TANC1: variants seen among roughly 807,000 people sequenced by gnomAD.
TANC1 encodes tetratricopeptide repeat, ankyrin repeat and coiled-coil containing 1.
Under a neutral mutation model 149.7 loss-of-function variants are expected in TANC1, and 77 were observed. That is an observed-to-expected ratio of 0.51 (90% confidence interval 0.43 to 0.62). The LOEUF is 0.62. Among genes scored for constraint, TANC1 ranks in the 20% least tolerant of loss-of-function variants. The pLI, the probability that TANC1 is intolerant of heterozygous loss-of-function variation, is 0.00. For missense variants in TANC1, 1,985 were observed against 2,321.8 expected (o/e 0.85, Z 2.98); for synonymous variants, 854 against 925.0 (o/e 0.92, Z 1.39).
Position 159,097,635 on chromosome 2 carries a change from A to G in TANC1, c.62-2A>G, listed in dbSNP as rs1397247165. The G allele has an allele frequency of 3.1e-6, 5 of 1,612,354 alleles. No homozygotes were observed. Among genetic ancestry groups the G allele is most frequent in the Admixed American group, 1.7e-5 (1 of 60,008 alleles). ...AACCTAAGTATTCTCTCTCTACTCT[A>G]GGAAGTGACTTTGGTCCAGAGACTT... On this transcript the variant is annotated splice_acceptor_variant, in intron 3 of 26. Transcript: ENST00000263635. LOFTEE classifies it high-confidence loss of function.
chr2:159,063,392 T>G (rs2042408683), intron 2 of TANC1, among the ~76,000 whole-genome samples: 1 of 152,224 alleles, frequency 6.6e-6, no homozygotes, highest in Non-Finnish European at 1.5e-5. Flanking sequence ...ATAGCCTGTA[T>G]GTCCATTGGT....
intron 4 of TANC1, among the ~76,000 whole-genome samples, chr2:159,110,158 A>G (rs1010849006): frequency 6.6e-6 from 1 of 152,260 alleles, no homozygotes; most frequent in Non-Finnish European, 1.5e-5. Context: ...TGTTGGCAAC[A>G]TGTTGCCAAG....
At position 159,132,289 on chromosome 2, in the gene TANC1, T is replaced by C. The variant is rs1245401773; in HGVS notation, c.260-3905T>C. On this transcript the variant is annotated intron_variant, in intron 4 of 26. Coordinates refer to ENST00000263635, the MANE Select transcript of TANC1 (RefSeq NM_033394.3). ...CACTGAATATATATTTTACTTACTTTGTTATATTCTAGGTCTCCTTTCGTA... is the reference window on the plus strand; with the variant it reads ...CACTGAATATATATTTTACTTACTTCGTTATATTCTAGGTCTCCTTTCGTA... Among the ~76,000 whole-genome samples, 3 of 152,190 alleles carry C rather than the reference T, an allele frequency of 2.0e-5. No individual in the cohort carries two copies. In the East Asian group the frequency reaches 5.8e-4, roughly 29 times the overall value.
At chr2:159,219,092 T>G in intron 20 of TANC1, 146 bp from the exon 21 acceptor site, 2 of 1,057,594 alleles carry the variant, frequency 1.9e-6, no homozygotes, top group Non-Finnish European at 2.8e-6. Context: ...AGTGGAAAGA[T>G]TTTCCAGGCC....
At position 159,157,331 on chromosome 2, in the gene TANC1, G is replaced by A. The variant is rs918697096; in HGVS notation, c.683-5952G>A. The stretch of plus-strand genomic sequence containing the variant: ...GTGGTTGGTTAGTTTGCAGGTGGCC[G>A]GGCCTAGGTAGGGGTGGAAATAAAA... On this transcript the variant is annotated intron_variant, in intron 7 of 26. Coordinates refer to ENST00000263635, the MANE Select transcript of TANC1 (RefSeq NM_033394.3). Among the ~76,000 whole-genome samples the A allele has an allele frequency of 2.0e-5, 3 of 152,160 alleles. No individual in the cohort carries two copies. In the East Asian group the frequency reaches 5.8e-4, roughly 29 times the overall value.
chr2:159,116,300 G>A (rs1437641300), intron 4 of TANC1, among the ~76,000 whole-genome samples: 2 of 152,064 alleles, frequency 1.3e-5, no homozygotes, highest in Non-Finnish European at 2.9e-5. Context: ...GGTGGCAGAT[G>A]CCTGTAATCC....
chr2:159,115,365 A>G (rs2048141832), intron 4 of TANC1, among the ~76,000 whole-genome samples: 1 of 152,164 alleles, frequency 6.6e-6, no homozygotes, highest in Non-Finnish European at 1.5e-5. Flanking sequence ...GGACTCCTTG[A>G]GTCAAATGCA....
chr2:159,095,414 C>T (rs1050357474), intron 3 of TANC1, among the ~76,000 whole-genome samples: 2 of 152,148 alleles, frequency 1.3e-5, no homozygotes, highest in Non-Finnish European at 2.9e-5. Context: ...CTTTTCTGTT[C>T]ACTGCTCTGC....
chr2:159,121,338 ATTG>A (rs368570710), intron 4 of TANC1, among the ~76,000 whole-genome samples: 316 of 152,200 alleles, frequency 2.1e-3, no homozygotes, highest in African/African-American at 4.0e-3. Flanking sequence ...TTTCTCCGCT[ATTG>A]TTGTTGTTTG....
intron 8 of TANC1, 60 bp from the exon 9 acceptor site, chr2:159,169,190 A>C (rs1226386212): frequency 1.2e-5 from 17 of 1,404,226 alleles, no homozygotes; most frequent in Non-Finnish European, 1.7e-5. Flanking sequence ...AGTTATAGTC[A>C]CTTAGGTATG....
At chr2:159,047,413 C>G (rs964737812) in intron 2 of TANC1, among the ~76,000 whole-genome samples, 1 of 152,058 alleles carries the variant, frequency 6.6e-6, no homozygotes, top group African/African-American at 2.4e-5. Context: ...TTAAGTCATT[C>G]CACCGTGAAA....
chr2:159,035,610 C>T (rs190223413), intron 2 of TANC1, among the ~76,000 whole-genome samples: 1 of 152,324 alleles, frequency 6.6e-6, no homozygotes, highest in Admixed American at 6.5e-5. Flanking sequence ...TCTCTGGTCT[C>T]ATTGACCTTC....
At chr2:159,043,485 A>G (rs2040813271) in intron 2 of TANC1, among the ~76,000 whole-genome samples, 1 of 152,188 alleles carries the variant, frequency 6.6e-6, no homozygotes, top group Non-Finnish European at 1.5e-5. Context: ...CTGAAAGTAA[A>G]TCAGATTTCT....
intron 19 of TANC1, among the ~76,000 whole-genome samples, chr2:159,200,276 G>A (rs2058151577): frequency 6.6e-6 from 1 of 152,122 alleles, no homozygotes. Flanking sequence ...GCCTCCTGGG[G>A]CACTTGGGCT....
At chr2:159,118,127 C>T (rs1409170207) in intron 4 of TANC1, among the ~76,000 whole-genome samples, 1 of 152,184 alleles carries the variant, frequency 6.6e-6, no homozygotes, top group Non-Finnish European at 1.5e-5. Flanking sequence ...AGCTACCTGG[C>T]TTATCACTGT....
intron 19 of TANC1, among the ~76,000 whole-genome samples, chr2:159,213,716 A>T (rs1030741364): frequency 2.0e-5 from 3 of 152,124 alleles, no homozygotes; most frequent in Non-Finnish European, 4.4e-5. Context: ...CTCTTCCTGT[A>T]GTTCTAAGAA....
At chr2:158,981,178 T>G (rs2149217899) in intron 1 of TANC1, among the ~76,000 whole-genome samples, 1 of 152,036 alleles carries the variant, frequency 6.6e-6, no homozygotes, top group East Asian at 1.9e-4. Context: ...CAGAGCAGCA[T>G]GGTGAGTCAG....
chr2:159,224,307 A>G lies in TANC1; in HGVS notation c.3754A>G (p.Ile1252Val). The G allele has an allele frequency of 1.2e-6, 2 of 1,614,198 alleles. No individual in the cohort carries two copies. Among genetic ancestry groups the G allele is most frequent in the Non-Finnish European group, 1.7e-6 (2 of 1,180,038 alleles). Reference sequence around the variant, plus strand: ...CGGGATGCGGCCCTTGGACAGAGCCATCGGCTGCCGGAACACATCTGTAGT... The same window carrying G: ...CGGGATGCGGCCCTTGGACAGAGCCGTCGGCTGCCGGAACACATCTGTAGT... The part of the protein sequence containing the change: ...HSGMRPLDRA[I>V]GCRNTSVVVA... The change falls in exon 23 of 27, where the codon ATC becomes GTC. Residue 1252 changes from isoleucine to valine, a missense_variant. By Grantham distance (29) the Ile-to-Val change is conservative. Around this residue, in one of 3 missense-constraint regions of TANC1, gnomAD observed 920 missense variants for 994.7 expected, o/e 0.92. Transcript: ENST00000263635.
At chr2:159,097,923 G>A in intron 4 of TANC1, 89 bp downstream of exon 4, 1 of 1,138,684 alleles carries the variant, frequency 8.8e-7, no homozygotes, top group Non-Finnish European at 1.3e-6. Flanking sequence ...GAAATCTTCT[G>A]GGACAATGTT....
Sources: allele counts gnomAD v4.1 joint callset (sites outside exome capture counted in the v4.1 genomes callset), GRCh38; gene constraint gnomAD v4.1.1; regional missense constraint gnomAD v4.1.1; transcripts MANE v1.5; gene names NCBI Gene and HGNC (gene_info 2026-07-23, HGNC 2026-07-21).